TRAPPC10: variants seen among roughly 807,000 people sequenced by gnomAD.
TRAPPC10 encodes trafficking protein particle complex subunit 10, also known as TRAPP 130 kDa subunit.
TRAPPC10 carries 23 observed loss-of-function variants against 125.5 expected under a neutral mutation model. The observed-to-expected ratio is 0.18, with a 90% CI of 0.13 to 0.26. The LOEUF (loss-of-function observed/expected upper bound fraction) is 0.26, where lower values mean the gene tolerates loss of function less well. Ranked by LOEUF, TRAPPC10 falls within the 10% of genes least tolerant of loss-of-function variation. The pLI is 1.00. For synonymous variants in TRAPPC10, 509 were observed against 518.0 expected (o/e 0.98, Z 0.24); for missense variants, 1,123 against 1,308.4 (o/e 0.86, Z 2.19).
In TRAPPC10 at chr21:44,067,980, C is replaced by T. The variant is rs367637561; in HGVS notation, c.1038+4195C>T. On this transcript the variant is annotated intron_variant, in intron 7 of 22. Coordinates refer to ENST00000291574, the MANE Select transcript of TRAPPC10 (RefSeq NM_003274.5). Reference sequence around the variant, plus strand: ...ACTAAAAATACAAAAATTAGCTGGGCGTGATGGCAGGCGCCTGTAATCCCA... The same window carrying T: ...ACTAAAAATACAAAAATTAGCTGGGTGTGATGGCAGGCGCCTGTAATCCCA... 2.5e-4 allele frequency among the ~76,000 whole-genome samples: 38 copies of T among 151,934 alleles called. No homozygotes were observed. The East Asian group carries it at 6.2e-3, about 25-fold the overall frequency.
intron 1 of TRAPPC10, among the ~76,000 whole-genome samples, chr21:44,029,717 C>A (rs1444784506): frequency 1.3e-5 from 2 of 152,178 alleles, no homozygotes; most frequent in African/African-American, 4.8e-5. Context: ...CCTTTGTGTC[C>A]TCATGGGGCC....
At position 44,018,135 on chromosome 21, in the gene TRAPPC10, CT is replaced by C. The variant is rs1281428736; in HGVS notation, c.67+5576del. Among the ~76,000 whole-genome samples, 3 of 141,262 alleles carry C rather than the reference CT, an allele frequency of 2.1e-5. No homozygotes were observed. The East Asian group carries it at 6.0e-4, about 28-fold the overall frequency. The allele number at this position is 141,262 out of a possible 152,430, so 92.7% of individuals were successfully genotyped here. A position where few individuals can be genotyped will look rare whatever the true frequency, so the allele number is the denominator to read the frequency against. On this transcript the variant is annotated intron_variant, in intron 1 of 22. Coordinates refer to ENST00000291574, the MANE Select transcript of TRAPPC10 (RefSeq NM_003274.5). Reference sequence around the variant, plus strand: ...CTTTATGCAAATGAAATGGAAAGGTCTGATTTTCTTTTTTTTTTTCTTTTTT... The same window carrying C: ...CTTTATGCAAATGAAATGGAAAGGTCGATTTTCTTTTTTTTTTTCTTTTTT...
chr21:44,095,174 A>G (rs1402507735), intron 20 of TRAPPC10, among the ~76,000 whole-genome samples: 1 of 150,536 alleles, frequency 6.6e-6, no homozygotes, highest in Non-Finnish European at 1.5e-5. Context: ...CAGCCTGCCA[A>G]GTAGCTGGGA....
At chr21:44,013,980 G>T (rs901766113) in intron 1 of TRAPPC10, among the ~76,000 whole-genome samples, 1 of 152,194 alleles carries the variant, frequency 6.6e-6, no homozygotes, top group African/African-American at 2.4e-5. Context: ...GAAGCCATGC[G>T]CAGTTCATGT....
At chr21:44,023,632 G>A (rs778031684) in intron 1 of TRAPPC10, among the ~76,000 whole-genome samples, 1 of 152,136 alleles carries the variant, frequency 6.6e-6, no homozygotes, top group African/African-American at 2.4e-5. Context: ...TCTGCACTTA[G>A]CAATTGCCAA....
chr21:44,013,727 C>T (rs1350664974), intron 1 of TRAPPC10, among the ~76,000 whole-genome samples: 1 of 152,172 alleles, frequency 6.6e-6, no homozygotes, highest in African/African-American at 2.4e-5. Context: ...CTCCTCCTCT[C>T]TCTTTTTTTT....
intron 4 of TRAPPC10, among the ~76,000 whole-genome samples, chr21:44,054,632 G>T (rs1323439095): frequency 1.3e-5 from 2 of 152,204 alleles, no homozygotes; most frequent in African/African-American, 4.8e-5. Flanking sequence ...GTCCAAATCT[G>T]TTGGGAACTT....
At chr21:44,065,020 C>G (rs2036335021) in intron 7 of TRAPPC10, among the ~76,000 whole-genome samples, 1 of 152,178 alleles carries the variant, frequency 6.6e-6, no homozygotes, top group East Asian at 1.9e-4. Flanking sequence ...GGGAACCATT[C>G]ACTCCTAGAG....
At chr21:44,016,951 A>T (rs552063254) in intron 1 of TRAPPC10, among the ~76,000 whole-genome samples, 17 of 152,338 alleles carry the variant, frequency 1.1e-4, no homozygotes, top group African/African-American at 4.1e-4. Context: ...CACCGCGCCC[A>T]GCCAGGTTAA....
chr21:44,062,711 T>G (rs1178010888), intron 6 of TRAPPC10: 23 of 985,146 alleles, frequency 2.3e-5, no homozygotes, highest in Non-Finnish European at 2.8e-5. Context: ...AGGATGCTGG[T>G]GCAGGGGCTG....
chr21:44,040,445 T>C (rs1341360313), intron 3 of TRAPPC10, among the ~76,000 whole-genome samples: 3 of 151,912 alleles, frequency 2.0e-5, no homozygotes, highest in Middle Eastern at 3.4e-3. Context: ...CGGGCTCAAG[T>C]GATTGTCCTA....
At chr21:44,040,788 G>A (rs62227168) in intron 3 of TRAPPC10, among the ~76,000 whole-genome samples, 2 of 141,938 alleles carry the variant, frequency 1.4e-5, no homozygotes, top group Non-Finnish European at 3.0e-5. Context: ...TTTTTTTTTG[G>A]TGTTTTTAGT....
In TRAPPC10 at chr21:44,059,141, C is replaced by T. The variant is rs757630711; in HGVS notation, c.717C>T (p.Phe239=). 1.1e-5 allele frequency: 17 copies of T among 1,606,762 alleles called. No individual in the cohort carries two copies. Among genetic ancestry groups the T allele is most frequent in the East Asian group, 4.5e-5 (2 of 44,668 alleles). Residue 239 remains phenylalanine (F), a synonymous_variant, in exon 6 of 23, where the codon TTC becomes TTT. Transcript: ENST00000291574. This position sits in a 1 kb window ranked among gnomAD's most constrained non-coding sequence, Gnocchi z 4.4. ...LAFVFEMLQQ[F]EDALVQYDEL... The stretch of plus-strand genomic sequence containing the variant: ...TTGTTTTCGAGATGCTGCAGCAGTT[C>T]GAGGACGCCCTGGTGCAGTACGACG...
intron 10 of TRAPPC10, 119 bp from the exon 11 acceptor site, chr21:44,077,574 G>C: frequency 1.4e-6 from 1 of 718,986 alleles, no homozygotes; most frequent in South Asian, 2.1e-5. Flanking sequence ...GATGGAGCAA[G>C]ACTCTGTCTC....
At chr21:44,065,845 C>T (rs1376077298) in intron 7 of TRAPPC10, among the ~76,000 whole-genome samples, 2 of 152,196 alleles carry the variant, frequency 1.3e-5, no homozygotes, top group Non-Finnish European at 2.9e-5. Context: ...AAGTGTTTCT[C>T]TTTCTCTCCT....
intron 14 of TRAPPC10, among the ~76,000 whole-genome samples, chr21:44,083,757 C>T (rs1335676638): frequency 6.6e-6 from 1 of 152,214 alleles, no homozygotes. Flanking sequence ...CTGTAAGTTC[C>T]ACTAACTCAA....
rs1211482440 is a variant in TRAPPC10, at chr21:44,035,502, TATCTC to T, written c.150-2288_150-2284del. On this transcript the variant is annotated intron_variant, in intron 2 of 22. Transcript: ENST00000291574. ...TCAGTACTCTTTGTATTGAAGTACTTATCTCAGGTCAGCACAGTGGCTCACACTTG... is the reference window on the plus strand; with the variant it reads ...TCAGTACTCTTTGTATTGAAGTACTTAGGTCAGCACAGTGGCTCACACTTG... Among the ~76,000 whole-genome samples the T allele has an allele frequency of 2.6e-5, 4 of 152,160 alleles. No individual in the cohort carries two copies. In the East Asian group the frequency reaches 7.7e-4, roughly 29 times the overall value.
intron 1 of TRAPPC10, among the ~76,000 whole-genome samples, chr21:44,022,809 A>G (rs2032668169): frequency 6.6e-6 from 1 of 151,732 alleles, no homozygotes; most frequent in African/African-American, 2.4e-5. Context: ...TTGTCTTGAA[A>G]AGGTCCCACT....
chr21:44,020,320 A>C (rs1018187181), intron 1 of TRAPPC10, among the ~76,000 whole-genome samples: 12 of 151,772 alleles, frequency 7.9e-5, no homozygotes, highest in African/African-American at 2.9e-4. Context: ...GTAAGGATGG[A>C]GTTCACCGTG....
Sources: allele counts gnomAD v4.1 joint callset (sites outside exome capture counted in the v4.1 genomes callset), GRCh38; gene constraint gnomAD v4.1.1; non-coding constraint Gnocchi (gnomAD v3.1); transcripts MANE v1.5; gene names NCBI Gene and HGNC (gene_info 2026-07-23, HGNC 2026-07-21).